TMCO2: variants seen among roughly 807,000 people sequenced by gnomAD.
TMCO2 encodes transmembrane and coiled-coil domain-containing protein 2.
In TMCO2, 15 loss-of-function variants were observed where a neutral mutation model predicts 18.0. That is an observed-to-expected ratio of 0.84 (90% CI 0.56 to 1.29). TMCO2 has a LOEUF of 1.29. TMCO2 is among the 50% of genes most tolerant of loss of function. The pLI is 0.00. For synonymous variants in TMCO2, 79 were observed against 75.9 expected (o/e 1.04, Z -0.21); for missense variants, 182 against 200.9 (o/e 0.91, Z 0.57).
rs1052645068 is a variant in TMCO2 at position 40,250,168 on chromosome 1, A to T, written c.238-1115A>T. On this transcript the variant is annotated intron_variant, in intron 1 of 1. Coordinates refer to ENST00000372766, the MANE Select transcript of TMCO2 (RefSeq NM_001008740.4). ...TGCACCACCAGGCTTGGCTAATTTTAAAAATTTTTTTGTAGAGACAGGGTC... is the reference window on the plus strand; with the variant it reads ...TGCACCACCAGGCTTGGCTAATTTTTAAAATTTTTTTGTAGAGACAGGGTC... Among the ~76,000 whole-genome samples, 12 of 151,472 alleles carry T rather than the reference A, an allele frequency of 7.9e-5. 1 individual carries two copies. Among genetic ancestry groups the T allele is most frequent in the East Asian group, 3.9e-4 (2 of 5,150 alleles).
At chr1:40,249,581 A>G (rs544519405) in intron 1 of TMCO2, among the ~76,000 whole-genome samples, 3 of 152,246 alleles carry the variant, frequency 2.0e-5, no homozygotes, top group Non-Finnish European at 2.9e-5. Flanking sequence ...TCTCAAAAAA[A>G]AAAAAAGTGG....
chr1:40,251,473 T>C lies in TMCO2; in HGVS notation c.428T>C (p.Leu143Pro). 1 of 1,613,864 alleles carries C rather than the reference T, an allele frequency of 6.2e-7. No individual in the cohort carries two copies. Among genetic ancestry groups the C allele is most frequent in the Non-Finnish European group, 8.5e-7 (1 of 1,179,958 alleles). ...LKTVENKMKNLEGIIVAQKPA... is the reference protein window; with the variant it reads ...LKTVENKMKNPEGIIVAQKPA... ...ACAGTGGAAAACAAAATGAAGAACC[T>C]AGAAGGGATAATCGTTGCTCAAAAA... is the stretch of plus-strand genomic sequence containing the variant. Residue 143 changes from leucine (L) to proline (P), a missense_variant, in exon 2 of 2, where the codon CTA becomes CCA. Transcript: ENST00000372766.
chr1:40,248,370 G>C (rs907058612), intron 1 of TMCO2, 140 bp downstream of exon 1: 30 of 677,394 alleles, frequency 4.4e-5, no homozygotes, highest in Admixed American at 1.2e-4. Context: ...CAAAAACTAG[G>C]TTATCCTTGA....
rs927356537 is a variant in TMCO2, at chr1:40,251,667, T to C, written c.*73T>C. On this transcript the variant is annotated 3_prime_UTR_variant, in exon 2 of 2. Transcript: ENST00000372766. ...GTGTGCAGTGGTGTATCAATAAAGA[T>C]AGAGAACGCTATTGAAATTACCGTG... The C allele has an allele frequency of 2.0e-6, 3 of 1,485,786 alleles. No individual in the cohort carries two copies. Among genetic ancestry groups the C allele is most frequent in the Admixed American group, 4.5e-5 (2 of 44,346 alleles). 92.0% of individuals were successfully genotyped at this position (1,485,786 alleles called of 1,614,324 possible).
In TMCO2 at chr1:40,248,137, T is replaced by G; in HGVS notation, c.144T>G (p.Ala48=). ...GTTTGGGACTATTAGATAATCTTGC[T>G]CCAGCTGTGCAAATCATCTTGAGGA... ...QTSLGLLDNL[A]PAVQIILRIS... The change falls in exon 1 of 2, where the codon GCT becomes GCG. Residue 48 remains alanine, a synonymous_variant. Transcript: ENST00000372766. 3.1e-6 allele frequency: 5 copies of G among 1,614,210 alleles called. No individual in the cohort carries two copies. Among genetic ancestry groups the G allele is most frequent in the Non-Finnish European group, 4.2e-6 (5 of 1,180,034 alleles).
chr1:40,248,323 C>T, intron 1 of TMCO2, 93 bp downstream of exon 1: 1 of 1,119,454 alleles, frequency 8.9e-7, no homozygotes, highest in Non-Finnish European at 1.3e-6. Context: ...TAAGATCATG[C>T]AGATGTGCAA....
Position 40,251,540 on chromosome 1 carries a change from C to T in TMCO2, c.495C>T (p.Ser165=). ...ATTGCTCCTCTGAGCCCTACTGCAG[C>T]TGCTCTGACTGCCAGAGTCCCTTGT... ...KRDCSSEPYC[S]CSDCQSPLST... Residue 165 remains serine, a synonymous_variant, in exon 2 of 2, where the codon AGC becomes AGT. Transcript: ENST00000372766. The T allele has an allele frequency of 6.2e-7, 1 of 1,613,202 alleles. No individual in the cohort carries two copies. The highest frequency in any genetic ancestry group is 8.5e-7 in the Non-Finnish European group (1 of 1,179,800).
chr1:40,250,001 T>A (rs560466362), intron 1 of TMCO2, among the ~76,000 whole-genome samples: 4 of 152,006 alleles, frequency 2.6e-5, no homozygotes, highest in African/African-American at 7.2e-5. Flanking sequence ...TTTTTATTTT[T>A]TTTTTATGTT....
chr1:40,251,410 C>G lies in TMCO2; in HGVS notation c.365C>G (p.Ser122Cys). Residue 122 changes from serine (S) to cysteine (C), a missense_variant, in exon 2 of 2, where the codon TCC becomes TGC. Transcript: ENST00000372766. ...RIQDNNNLFL[S>C]LGLQEKILKK... is the part of the protein sequence containing the mutation. The stretch of plus-strand genomic sequence containing the variant: ...CAAGACAATAATAATCTTTTCCTGT[C>G]CTTGGGTCTGCAAGAGAAAATTTTG... The G allele has an allele frequency of 6.2e-7, 1 of 1,614,052 alleles. No individual in the cohort carries two copies. The highest frequency in any genetic ancestry group is 8.5e-7 in the Non-Finnish European group (1 of 1,180,000).
rs778916334 is a variant in TMCO2 at position 40,247,955 on chromosome 1, C to T, written c.-39C>T. The T allele has an allele frequency of 6.6e-7, 1 of 1,519,254 alleles. No individual in the cohort carries two copies. 94.1% of individuals were successfully genotyped at this position (1,519,254 alleles called of 1,614,324 possible). A position where few individuals can be genotyped will look rare whatever the true frequency, so the allele number is the denominator to read the frequency against. ...CTAACTCATATTTAGATTCCTGAAGCTTCTGCACATGTAGTTCCTAGAGCT... is the reference window on the plus strand; with the variant it reads ...CTAACTCATATTTAGATTCCTGAAGTTTCTGCACATGTAGTTCCTAGAGCT... On this transcript the variant is annotated 5_prime_UTR_variant, in exon 1 of 2. Transcript: ENST00000372766.
chr1:40,248,074 A>G lies in TMCO2; in HGVS notation c.81A>G (p.Ala27=). 1 of 1,614,212 alleles carries G rather than the reference A, an allele frequency of 6.2e-7. No homozygotes were observed. Among genetic ancestry groups the G allele is most frequent in the Non-Finnish European group, 8.5e-7 (1 of 1,180,044 alleles). The change falls in exon 1 of 2, where the codon GCA becomes GCG. Residue 27 remains alanine, a synonymous_variant. Coordinates refer to ENST00000372766, the MANE Select transcript of TMCO2 (RefSeq NM_001008740.4). The part of the protein sequence containing the change: ...SLSTVWNWIQ[A]SFLGETSAPQ... ...GCACAGTATGGAATTGGATACAAGC[A>G]AGTTTTTTGGGAGAGACTAGTGCAC...
chr1:40,247,964 A>T lies in TMCO2; in HGVS notation c.-30A>T. 1 of 1,561,486 alleles carries T rather than the reference A, an allele frequency of 6.4e-7. No homozygotes were observed. On this transcript the variant is annotated 5_prime_UTR_variant, in exon 1 of 2. The change abolishes an upstream ATG in the 5' untranslated region. Transcript: ENST00000372766. ...ATTTAGATTCCTGAAGCTTCTGCAC[A>T]TGTAGTTCCTAGAGCTGCTGCTTAT...
rs115454619 is a variant in TMCO2, at chr1:40,251,298, G to A, written c.253G>A (p.Val85Ile). The part of the protein sequence containing the change: ...IQSIQKTLLF[V>I]ITLYKLYKKG... ...TCCATTTTAGAAAACATTGTTGTTTGTAATCACACTCTACAAACTTTACAA... is the reference window on the plus strand; with the variant it reads ...TCCATTTTAGAAAACATTGTTGTTTATAATCACACTCTACAAACTTTACAA... Residue 85 changes from valine to isoleucine, a missense_variant, in exon 2 of 2, where the codon GTA (valine) becomes ATA (isoleucine). Physicochemically the swap from Val to Ile is conservative, Grantham distance 29. Coordinates refer to ENST00000372766, the MANE Select transcript of TMCO2 (RefSeq NM_001008740.4). 2.1e-3 allele frequency: 3,399 copies of A among 1,610,804 alleles called. 59 individuals carry two copies. In the African/African-American group the frequency reaches 0.04, roughly 19 times the overall value.
At chr1:40,249,255 A>ATGTGTGTGTGTTGTG (rs1643360582) in intron 1 of TMCO2, among the ~76,000 whole-genome samples, 1 of 139,834 alleles carries the variant, frequency 7.2e-6, no homozygotes, top group Non-Finnish European at 1.6e-5. Flanking sequence ...TTGAACAGGA[A>ATGTGTGTGTGTTGTG]TGTGTGTGTG....
Position 40,251,403 on chromosome 1 carries a change from T to C in TMCO2, c.358T>C (p.Phe120Leu), listed in dbSNP as rs1643382999. 1.2e-6 allele frequency: 2 copies of C among 1,614,016 alleles called. No individual in the cohort carries two copies. Among genetic ancestry groups the C allele is most frequent in the African/African-American group, 1.3e-5 (1 of 74,922 alleles). The change falls in exon 2 of 2, where the codon TTC becomes CTC. Residue 120 changes from phenylalanine to leucine, a missense_variant. By Grantham distance (22) the Phe-to-Leu change is conservative (BLOSUM62 0). Transcript: ENST00000372766. ...CCGAATTCAAGACAATAATAATCTT[T>C]TCCTGTCCTTGGGTCTGCAAGAGAA... The part of the protein sequence containing the change: ...GLRIQDNNNL[F>L]LSLGLQEKIL...
rs776597019 is a variant in TMCO2, at chr1:40,247,991, A to G, written c.-3A>G. The G allele has an allele frequency of 3.8e-5, 61 of 1,611,624 alleles. No individual in the cohort carries two copies. The highest frequency in any genetic ancestry group is 3.9e-5 in the Non-Finnish European group (46 of 1,177,874). The stretch of plus-strand genomic sequence containing the variant: ...GTAGTTCCTAGAGCTGCTGCTTATT[A>G]AAATGTCAACATCTTCATCTTCTAG... On this transcript the variant is annotated 5_prime_UTR_variant, in exon 1 of 2. Coordinates refer to ENST00000372766, the MANE Select transcript of TMCO2 (RefSeq NM_001008740.4).
chr1:40,250,370 G>T (rs538782962), intron 1 of TMCO2, among the ~76,000 whole-genome samples: 1 of 150,926 alleles, frequency 6.6e-6, no homozygotes, highest in South Asian at 2.1e-4. Context: ...TGGCTATCTT[G>T]CCCAGGCTGA....
At chr1:40,249,970 C>T (rs892422197) in intron 1 of TMCO2, among the ~76,000 whole-genome samples, 56 of 151,788 alleles carry the variant, frequency 3.7e-4, no homozygotes, top group Middle Eastern at 3.4e-3. Flanking sequence ...CCACCGTGCC[C>T]AGCATATGCT....
intron 1 of TMCO2, among the ~76,000 whole-genome samples, chr1:40,250,088 C>A (rs1355870590): frequency 6.6e-6 from 1 of 151,906 alleles, no homozygotes; most frequent in Non-Finnish European, 1.5e-5. Flanking sequence ...CCTCAAATTC[C>A]TGATCTCAGG....
Sources: allele counts gnomAD v4.1 joint callset (sites outside exome capture counted in the v4.1 genomes callset), GRCh38; gene constraint gnomAD v4.1.1; transcripts MANE v1.5; gene names NCBI Gene and HGNC (gene_info 2026-07-23, HGNC 2026-07-21).